Variants in UMODL1 observed in about 807,000 individuals in gnomAD.
UMODL1 encodes the protein uromodulin-like 1.
A neutral mutation model predicts 136.3 loss-of-function variants in UMODL1; 128 were observed. The ratio of observed to expected loss-of-function variants is 0.94; its 90% CI spans 0.81 to 1.09. The LOEUF (loss-of-function observed/expected upper bound fraction) is 1.09, where lower values mean the gene tolerates loss of function less well. Among genes scored for constraint, UMODL1 ranks in the 50% least tolerant of loss-of-function variants. The pLI, the probability that UMODL1 is intolerant of heterozygous loss-of-function variation, is 0.00. For synonymous variants in UMODL1, 721 were observed against 720.0 expected (o/e 1.00, Z -0.02); for missense variants, 1,766 against 1,725.6 (o/e 1.02, Z -0.41).
At chr21:42,127,627 C>T (rs777784203) in intron 19 of UMODL1, 45 bp from the exon 20 acceptor site, 26 of 1,578,634 alleles carry the variant, frequency 1.6e-5, no homozygotes, top group Admixed American at 3.6e-5. Context: ...ACAAGGACAG[C>T]GGGGCTCGCT....
chr21:42,137,672 C>T, intron 22 of UMODL1, 31 bp downstream of exon 22: 1 of 983,760 alleles, frequency 1.0e-6, no homozygotes, highest in Non-Finnish European at 1.4e-6. Flanking sequence ...GAGGTGCAGG[C>T]TGACAGGAAG....
At chr21:42,088,590 G>A (rs2066455317) in intron 5 of UMODL1, 110 bp downstream of exon 5, 4 of 1,178,814 alleles carry the variant, frequency 3.4e-6, no homozygotes, top group Admixed American at 2.8e-5. Flanking sequence ...TTTAAAGGAG[G>A]TTTAAGTTCA....
intron 6 of UMODL1, among the ~76,000 whole-genome samples, 194 bp from the exon 7 acceptor site, chr21:42,098,732 A>C (rs2066588594): frequency 6.6e-6 from 1 of 152,192 alleles, no homozygotes; most frequent in Non-Finnish European, 1.5e-5. Context: ...GCACCACTGC[A>C]CTCCAGCCTG....
chr21:42,133,955 A>T (rs1251058454), intron 21 of UMODL1, among the ~76,000 whole-genome samples: 5 of 151,990 alleles, frequency 3.3e-5, no homozygotes, highest in Non-Finnish European at 5.9e-5. Flanking sequence ...GTCTCACTCT[A>T]TTGCCAGGCT....
chr21:42,075,748 C>A (rs903768540), intron 1 of UMODL1, among the ~76,000 whole-genome samples: 1 of 152,264 alleles, frequency 6.6e-6, no homozygotes, highest in Admixed American at 6.5e-5. Flanking sequence ...GGCACCTCCT[C>A]CTCGGTCACA....
chr21:42,124,500 A>G (rs2067025374), intron 17 of UMODL1, among the ~76,000 whole-genome samples: 1 of 152,160 alleles, frequency 6.6e-6, no homozygotes. Flanking sequence ...GCTGGAAACC[A>G]TGGCGGAGTT....
chr21:42,088,691 C>G (rs220301), intron 5 of UMODL1, among the ~76,000 whole-genome samples: 39,735 of 151,994 alleles, frequency 0.26, 5,610 homozygotes, highest in East Asian at 0.4. Context: ...TCCCCAAGTG[C>G]AGACCTCTAG....
At chr21:42,107,487 C>T (rs1367729491) in intron 9 of UMODL1, among the ~76,000 whole-genome samples, 2 of 152,216 alleles carry the variant, frequency 1.3e-5, no homozygotes, top group Admixed American at 6.5e-5. Context: ...AGGATCCTGG[C>T]CTAGGGCTGT....
chr21:42,091,252 G>T (rs936160490), intron 6 of UMODL1, among the ~76,000 whole-genome samples: 1 of 152,212 alleles, frequency 6.6e-6, no homozygotes, highest in Non-Finnish European at 1.5e-5. Flanking sequence ...ACATTTTGGC[G>T]CATGAAAGGG....
chr21:42,119,442 C>T (rs2066942213), intron 15 of UMODL1, 118 bp downstream of exon 15: 1 of 864,194 alleles, frequency 1.2e-6, no homozygotes, highest in Non-Finnish European at 1.8e-6. Flanking sequence ...CCTTCTTCCC[C>T]CAGAATTAGA....
At chr21:42,120,896 A>G (rs1445194313) in intron 15 of UMODL1, 191 bp from the exon 16 acceptor site, 3 of 606,850 alleles carry the variant, frequency 4.9e-6, no homozygotes, top group South Asian at 4.9e-5. Flanking sequence ...CCCTGCAGAC[A>G]TACTTAGCCA....
At position 42,084,128 on chromosome 21, in the gene UMODL1, C is replaced by A. The variant is rs752361350; in HGVS notation, c.364C>A (p.Pro122Thr). ...GTTCACGTCAAGACCTGGGGCCTGC[C>A]CCGCAGAGGGGCCTGAACCATCCAC... ...GQFTSRPGAC[P>T]AEGPEPSTSP... Residue 122 changes from proline (P) to threonine (T), a missense_variant, in exon 3 of 23, where the codon CCC (proline) becomes ACC (threonine). Pro to Thr is a conservative substitution (Grantham distance 38). Transcript: ENST00000408910. 3 of 1,614,078 alleles carry A rather than the reference C, an allele frequency of 1.9e-6. No individual in the cohort carries two copies. The highest frequency in any genetic ancestry group is 1.7e-6 in the Non-Finnish European group (2 of 1,179,990).
intron 6 of UMODL1, among the ~76,000 whole-genome samples, chr21:42,097,519 T>C (rs2066573049): frequency 6.6e-6 from 1 of 152,214 alleles, no homozygotes; most frequent in African/African-American, 2.4e-5. Context: ...TGGGTTTTTT[T>C]TGTTTTTGTT....
intron 8 of UMODL1, chr21:42,103,132 T>C (rs939809836): frequency 6.6e-5 from 11 of 167,364 alleles, no homozygotes; most frequent in Admixed American, 2.8e-4. Context: ...AGGGAGCCAA[T>C]ATCTCTCCCT....
At chr21:42,066,950 G>T (rs1277703420), upstream of UMODL1, among the ~76,000 whole-genome samples, 2 of 151,482 alleles carry the variant, frequency 1.3e-5, no homozygotes, top group African/African-American at 2.4e-5. Flanking sequence ...AGGTTTCCTG[G>T]GTTTAGAGCA....
chr21:42,113,681 C>G lies in UMODL1; in HGVS notation c.2213C>G (p.Thr738Ser), dbSNP rs538997455. The G allele has an allele frequency of 1.2e-6, 2 of 1,614,110 alleles. No homozygotes were observed. The highest frequency in any genetic ancestry group is 1.7e-5 in the Admixed American group (1 of 60,018). ...AMDSTFQLTL[T>S]SMWSPAVVLE... is the part of the protein sequence containing the mutation. ...GACTCCACCTTCCAGCTCACTCTGA[C>G]TTCCATGTGGAGCCCTGCTGTGGTC... The change falls in exon 13 of 23, where the codon ACT (threonine) becomes AGT (serine). Residue 738 changes from threonine to serine, a missense_variant. Physicochemically the swap from Thr to Ser is moderately conservative, Grantham distance 58. Transcript: ENST00000408910.
intron 13 of UMODL1, 34 bp from the exon 14 acceptor site, chr21:42,115,839 C>T: frequency 1.3e-6 from 2 of 1,517,808 alleles, no homozygotes; most frequent in Non-Finnish European, 1.8e-6. Context: ...TAATACAGCA[C>T]CAATTCCAAA....
intron 9 of UMODL1, 129 bp from the exon 10 acceptor site, chr21:42,109,433 C>T (rs1329023193): frequency 7.8e-7 from 1 of 1,280,650 alleles, no homozygotes; most frequent in African/African-American, 1.6e-5. Flanking sequence ...GACGGATGCC[C>T]CAAAATGCCC....
At chr21:42,111,286 C>T (rs758682563) in intron 11 of UMODL1, 165 bp downstream of exon 11, 1 of 1,388,388 alleles carries the variant, frequency 7.2e-7, no homozygotes, top group Non-Finnish European at 9.6e-7. Flanking sequence ...AGGTGAACCC[C>T]AGCCAGCGGA....
Sources: allele counts gnomAD v4.1 joint callset (sites outside exome capture counted in the v4.1 genomes callset), GRCh38; gene constraint gnomAD v4.1.1; transcripts MANE v1.5; gene names NCBI Gene and HGNC (gene_info 2026-07-23, HGNC 2026-07-21).